Variants in CYTH3 observed in about 807,000 individuals in gnomAD.
The protein encoded by CYTH3 is cytohesin 3.
A neutral mutation model predicts 55.1 loss-of-function variants in CYTH3; 23 were observed. The observed-to-expected ratio is 0.42, with a 90% CI of 0.30 to 0.59. CYTH3 has a LOEUF of 0.59. CYTH3 is among the 20% of genes least tolerant of loss of function. The probability of loss-of-function intolerance (pLI) is 0.20; values close to 1 mark genes in which losing one functional copy is unlikely to be tolerated. For missense variants in CYTH3, 413 were observed against 524.8 expected (o/e 0.79, Z 2.08); for synonymous variants, 249 against 194.9 (o/e 1.28, Z -2.31).
At chr7:6,270,011 C>T (rs1027430172) in intron 1 of CYTH3, among the ~76,000 whole-genome samples, 3 of 152,066 alleles carry the variant, frequency 2.0e-5, no homozygotes, top group African/African-American at 7.2e-5. Flanking sequence ...AAAAATATAC[C>T]AAAAAATGTT....
chr7:6,184,856 G>A (rs553094526), intron 4 of CYTH3, among the ~76,000 whole-genome samples: 8 of 152,276 alleles, frequency 5.3e-5, no homozygotes, highest in African/African-American at 1.7e-4. Context: ...GGGATTATAC[G>A]CGTAAGCCAC....
chr7:6,270,131 A>G (rs1780613868), intron 1 of CYTH3, among the ~76,000 whole-genome samples: 1 of 152,382 alleles, frequency 6.6e-6, no homozygotes, highest in Non-Finnish European at 1.5e-5. Flanking sequence ...TATTAACTGT[A>G]AAGAGGTATG....
At chr7:6,258,665 G>C (rs937785178) in intron 1 of CYTH3, among the ~76,000 whole-genome samples, 1 of 152,142 alleles carries the variant, frequency 6.6e-6, no homozygotes, top group African/African-American at 2.4e-5. Flanking sequence ...AAGCTACAAG[G>C]CAACAGGCAA....
chr7:6,179,265 A>G (rs895798968), intron 4 of CYTH3, among the ~76,000 whole-genome samples: 4 of 152,176 alleles, frequency 2.6e-5, no homozygotes, highest in Admixed American at 2.6e-4. Context: ...GACGACACGG[A>G]AGAGTATTTC....
chr7:6,238,909 AAAT>A (rs763477086), intron 1 of CYTH3, among the ~76,000 whole-genome samples: 1 of 151,486 alleles, frequency 6.6e-6, no homozygotes, highest in African/African-American at 2.4e-5. Context: ...TCCAGGTTAA[AAAT>A]AATAATAATA....
At chr7:6,267,649 G>C (rs993026217) in intron 1 of CYTH3, among the ~76,000 whole-genome samples, 7 of 152,054 alleles carry the variant, frequency 4.6e-5, no homozygotes, top group Admixed American at 6.6e-5. Context: ...TCAGCCTCTC[G>C]AGCAGCTGGG....
Position 6,170,386 on chromosome 7 carries a change from C to T in CYTH3, c.823+149G>A. The T allele has an allele frequency of 1.4e-6, 1 of 719,550 alleles. No homozygotes were observed. The highest frequency in any genetic ancestry group is 2.8e-5 in the East Asian group (1 of 35,690). The allele number at this position is 719,550 out of a possible 1,614,324, so 44.6% of individuals were successfully genotyped here. On this transcript the variant is annotated intron_variant, in intron 9 of 12. Transcript: ENST00000350796. The surrounding 1 kb of genome is among the most constrained non-coding windows in gnomAD (Gnocchi z 7.8). The stretch of plus-strand genomic sequence containing the variant: ...AGAAGCAGCCGTGGCCATGCAGCTA[C>T]CGAGAGCGGGCTCTGGCTTAACCGC...
At chr7:6,269,683 C>A (rs1780600301) in intron 1 of CYTH3, among the ~76,000 whole-genome samples, 1 of 152,198 alleles carries the variant, frequency 6.6e-6, no homozygotes, top group South Asian at 2.1e-4. Context: ...CTGTAAGGAA[C>A]AATGTGTTCT....
rs971686673 is a variant in CYTH3 at position 6,164,876 on chromosome 7, G to A, written c.*68C>T. ...ACTGCCTCCCTGCCACGCCTTCCGC[G>A]GAGGGGCCGCCCGCGGTGTCTTTCT... On this transcript the variant is annotated 3_prime_UTR_variant, in exon 13 of 13. Coordinates refer to ENST00000350796, the MANE Select transcript of CYTH3 (RefSeq NM_004227.4). 1.5e-5 allele frequency: 24 copies of A among 1,581,824 alleles called. No homozygotes were observed. The highest frequency in any genetic ancestry group is 1.7e-4 in the Middle Eastern group (1 of 5,814).
intron 1 of CYTH3, among the ~76,000 whole-genome samples, chr7:6,244,194 A>T (rs1263130692): frequency 6.6e-6 from 1 of 152,260 alleles, no homozygotes; most frequent in Non-Finnish European, 1.5e-5. Flanking sequence ...GGCAGAAAAG[A>T]ATGTTACCAA....
At chr7:6,259,977 T>C (rs1349079413) in intron 1 of CYTH3, among the ~76,000 whole-genome samples, 1 of 147,716 alleles carries the variant, frequency 6.8e-6, no homozygotes, top group African/African-American at 2.6e-5. Flanking sequence ...ATTGCAGGCA[T>C]GCACCACCAC....
chr7:6,175,503 T>A (rs964876136), intron 5 of CYTH3, among the ~76,000 whole-genome samples: 2 of 151,102 alleles, frequency 1.3e-5, no homozygotes, highest in African/African-American at 4.9e-5. Context: ...TGTATGTGTA[T>A]CCTTATGCCA....
At chr7:6,201,999 T>C (rs1367850351) in intron 1 of CYTH3, among the ~76,000 whole-genome samples, 1 of 152,204 alleles carries the variant, frequency 6.6e-6, no homozygotes, top group African/African-American at 2.4e-5. Flanking sequence ...TACTGATCTT[T>C]ACCATGGTAG....
intron 4 of CYTH3, among the ~76,000 whole-genome samples, 200 bp downstream of exon 4, chr7:6,186,850 C>T (rs1462422713): frequency 6.6e-6 from 1 of 152,206 alleles, no homozygotes; most frequent in Admixed American, 6.5e-5. Context: ...GCCTTTCTGC[C>T]CAGGGCACCA....
chr7:6,218,471 G>C (rs1434551653), intron 1 of CYTH3, among the ~76,000 whole-genome samples: 3 of 152,188 alleles, frequency 2.0e-5, no homozygotes, highest in Non-Finnish European at 4.4e-5. Context: ...GCTGATTTCA[G>C]ACTTCTTACT....
intron 4 of CYTH3, among the ~76,000 whole-genome samples, chr7:6,182,583 T>C (rs922402087): frequency 1.3e-5 from 2 of 152,184 alleles, no homozygotes; most frequent in African/African-American, 4.8e-5. Context: ...CACATTTCAT[T>C]GTAGCCTCAA....
intron 1 of CYTH3, among the ~76,000 whole-genome samples, chr7:6,242,514 C>T (rs1271064511): frequency 6.6e-6 from 1 of 150,770 alleles, no homozygotes; most frequent in Admixed American, 6.6e-5. Flanking sequence ...GTAGCTGGGA[C>T]TACAGGCACT....
intron 9 of CYTH3, among the ~76,000 whole-genome samples, chr7:6,168,251 T>G (rs370081765): frequency 1.8e-3 from 266 of 149,396 alleles, no homozygotes; most frequent in African/African-American, 6.1e-3. Flanking sequence ...TGGTGATTGA[T>G]TCAAGACTCG....
Position 6,187,086 on chromosome 7 carries a change from G to T in CYTH3, c.213C>A (p.Ala71=). 6.2e-7 allele frequency: 1 copy of T among 1,614,170 alleles called. No homozygotes were observed. Among genetic ancestry groups the T allele is most frequent in the Non-Finnish European group, 8.5e-7 (1 of 1,180,028 alleles). ...SKTTQRNKQI[A]MGRKKFNMDP... is the part of the protein sequence containing the mutation. ...CCATGTTGAATTTCTTTCTTCCCATGGCTATCTGTTTGTTCCTCTGAGTCG... is the reference window on the plus strand; with the variant it reads ...CCATGTTGAATTTCTTTCTTCCCATTGCTATCTGTTTGTTCCTCTGAGTCG... The change falls in exon 4 of 13, where the codon GCC becomes GCA. Residue 71 remains alanine (A), a synonymous_variant. Coordinates refer to ENST00000350796, the MANE Select transcript of CYTH3 (RefSeq NM_004227.4).
Sources: gnomAD v4.1 joint callset for allele counts (sites outside exome capture counted in the v4.1 genomes callset) on GRCh38, gnomAD v4.1.1 for gene constraint, Gnocchi (gnomAD v3.1) non-coding constraint, MANE v1.5 for transcripts, NCBI Gene and HGNC (gene_info 2026-07-23, HGNC 2026-07-21) for gene names.